RCOR3: variants seen among roughly 807,000 people sequenced by gnomAD.
The protein encoded by RCOR3 is REST corepressor 3.
In RCOR3, 13 loss-of-function variants were observed where a neutral mutation model predicts 64.1. The observed-to-expected ratio is 0.20, with a 90% CI of 0.13 to 0.32. The LOEUF (loss-of-function observed/expected upper bound fraction) is 0.32. RCOR3 is among the 10% of genes least tolerant of loss of function. The pLI is 1.00. For missense variants in RCOR3, 489 were observed against 701.2 expected, an observed-to-expected ratio of 0.70 and a Z score of 3.42; for synonymous variants, 215 against 239.0, an observed-to-expected ratio of 0.90 and a Z score of 0.93.
chr1:211,277,644 G>C (rs1425848778), intron 5 of RCOR3, among the ~76,000 whole-genome samples: 1 of 152,154 alleles, frequency 6.6e-6, no homozygotes, highest in African/African-American at 2.4e-5. Context: ...GTAGATTAGT[G>C]GTTGCCAGGG....
At chr1:211,283,705 T>C (rs1287999925) in intron 7 of RCOR3, among the ~76,000 whole-genome samples, 6 of 152,158 alleles carry the variant, frequency 3.9e-5, no homozygotes, top group Non-Finnish European at 7.4e-5. Context: ...TGTGCAGTTG[T>C]GTGATCATAG....
At chr1:211,291,267 CA>C (rs1018850630) in intron 8 of RCOR3, among the ~76,000 whole-genome samples, 31 of 152,064 alleles carry the variant, frequency 2.0e-4, no homozygotes, top group African/African-American at 7.5e-4. Flanking sequence ...TAGGGAAAAA[CA>C]GTACAGGTTG....
At chr1:211,262,031 A>G (rs1694390671) in intron 2 of RCOR3, among the ~76,000 whole-genome samples, 1 of 53,986 alleles carries the variant, frequency 1.9e-5, no homozygotes, top group Non-Finnish European at 3.7e-5. Context: ...TAGCTATAAA[A>G]ACTTTTTTTT....
chr1:211,259,911 A>G (rs1276905653), intron 1 of RCOR3, 185 bp downstream of exon 1: 8 of 832,066 alleles, frequency 9.6e-6, no homozygotes, highest in African/African-American at 2.2e-5. Context: ...CCCTCGACCA[A>G]TCCTCCGCCT....
At chr1:211,308,716 ATT>A (rs34691206) in intron 10 of RCOR3, among the ~76,000 whole-genome samples, 18 of 82,292 alleles carry the variant, frequency 2.2e-4, no homozygotes, top group African/African-American at 2.6e-4. Flanking sequence ...TCCAAAATCA[ATT>A]TTTTTTTTTT....
At position 211,314,008 on chromosome 1, in the gene RCOR3, G is replaced by A. The variant is rs1701736053; in HGVS notation, c.*240G>A. 1 of 438,780 alleles carries A rather than the reference G, an allele frequency of 2.3e-6. No individual in the cohort carries two copies. Among genetic ancestry groups the A allele is most frequent in the Admixed American group, 4.0e-5 (1 of 25,210 alleles). 27.2% of individuals were successfully genotyped at this position (438,780 alleles called of 1,614,324 possible). On this transcript the variant is annotated 3_prime_UTR_variant, in exon 12 of 12. Coordinates refer to ENST00000419091, the MANE Select transcript of RCOR3 (RefSeq NM_001136223.3). The stretch of plus-strand genomic sequence containing the variant: ...TCTAGAGTATATGTTCAGCAATGTT[G>A]ATCTCATAAAAGGAAAAACAAAAGA...
intron 8 of RCOR3, chr1:211,291,527 C>A (rs1165961662): frequency 2.2e-6 from 1 of 455,928 alleles, no homozygotes; most frequent in Admixed American, 2.4e-5. Flanking sequence ...TCCACAGTTT[C>A]AGGCATCCAC....
At chr1:211,305,246 A>G (rs574635318) in intron 10 of RCOR3, among the ~76,000 whole-genome samples, 7 of 152,326 alleles carry the variant, frequency 4.6e-5, no homozygotes, top group Non-Finnish European at 1.0e-4. Flanking sequence ...AGCATAGCAC[A>G]GTCATTTCAT....
At chr1:211,299,386 G>T (rs963203454) in intron 9 of RCOR3, among the ~76,000 whole-genome samples, 3 of 152,154 alleles carry the variant, frequency 2.0e-5, no homozygotes, top group African/African-American at 7.2e-5. Context: ...ATGGGTAGGT[G>T]GAGGAAAGAT....
chr1:211,269,994 A>G (rs564426113), intron 2 of RCOR3, among the ~76,000 whole-genome samples: 25 of 152,218 alleles, frequency 1.6e-4, no homozygotes, highest in African/African-American at 4.3e-4. Flanking sequence ...AGAAAATGTT[A>G]CTATTCTTCC....
intron 3 of RCOR3, chr1:211,271,773 A>G: frequency 3.7e-6 from 1 of 267,336 alleles, no homozygotes; most frequent in Non-Finnish European, 7.6e-6. Flanking sequence ...GACCTTCTGG[A>G]TCATTGACCA....
intron 10 of RCOR3, among the ~76,000 whole-genome samples, chr1:211,308,698 T>TTTTTTTTTTTTTTTTTTGTGTG (rs1701171863): frequency 2.4e-5 from 1 of 40,846 alleles, no homozygotes; most frequent in African/African-American, 6.9e-5. Context: ...TTTTTTTTTT[T>TTTTTTTTTTTTTTTTTTGTGTG]TGTGTAGTCC....
At chr1:211,288,040 G>A (rs1384738101) in intron 7 of RCOR3, among the ~76,000 whole-genome samples, 1 of 151,574 alleles carries the variant, frequency 6.6e-6, no homozygotes, top group East Asian at 1.9e-4. Context: ...TGAGACTCCC[G>A]TCTCTACAAA....
At chr1:211,292,184 T>C (rs1398729306) in intron 8 of RCOR3, among the ~76,000 whole-genome samples, 1 of 152,240 alleles carries the variant, frequency 6.6e-6, no homozygotes, top group African/African-American at 2.4e-5. Flanking sequence ...TGTCTTTCTT[T>C]TTGGAATTTC....
At chr1:211,273,546 G>A (rs536758157) in intron 3 of RCOR3, among the ~76,000 whole-genome samples, 1 of 152,338 alleles carries the variant, frequency 6.6e-6, no homozygotes, top group South Asian at 2.1e-4. Flanking sequence ...TGGTGAATGT[G>A]TCAGACTTCT....
intron 10 of RCOR3, among the ~76,000 whole-genome samples, chr1:211,311,269 A>G (rs1479026357): frequency 1.3e-5 from 2 of 152,162 alleles, no homozygotes; most frequent in African/African-American, 2.4e-5. Flanking sequence ...AACGATGTCT[A>G]TCATTGTTAC....
At chr1:211,291,804 T>C (rs1699273196) in intron 8 of RCOR3, among the ~76,000 whole-genome samples, 1 of 152,184 alleles carries the variant, frequency 6.6e-6, no homozygotes, top group South Asian at 2.1e-4. Flanking sequence ...GGTATTCCAG[T>C]TCTACTGAAA....
Position 211,274,279 on chromosome 1 carries a change from T to G in RCOR3, c.354+17T>G. ...GTGGAACAGGTATGTAGAGAAACAC[T>G]TCAGTAGTAAGGCTTGTCCCAATAT... On this transcript the variant is annotated intron_variant, in intron 4 of 11. Transcript: ENST00000419091. The G allele has an allele frequency of 6.4e-7, 1 of 1,557,724 alleles. No homozygotes were observed. The highest frequency in any genetic ancestry group is 2.3e-5 in the East Asian group (1 of 44,320).
At position 211,259,670 on chromosome 1, in the gene RCOR3, A is replaced by T. The variant is rs1306389233; in HGVS notation, c.110A>T (p.Asn37Ile). 6.5e-7 allele frequency: 1 copy of T among 1,545,880 alleles called. No individual in the cohort carries two copies. The highest frequency in any genetic ancestry group is 8.7e-7 in the Non-Finnish European group (1 of 1,144,950). The change falls in exon 1 of 12, where the codon AAC becomes ATC. Residue 37 changes from asparagine to isoleucine, a missense_variant. Around this residue, in one of 2 missense-constraint regions of RCOR3, gnomAD observed 87 missense variants for 84.3 expected, o/e 1.03. Coordinates refer to ENST00000419091, the MANE Select transcript of RCOR3 (RefSeq NM_001136223.3). Reference protein sequence around the residue: ...GGGGSGASSTNGGLHYSEPES... With the variant: ...GGGGSGASSTIGGLHYSEPES... ...GGCGGCAGCGGCGCCTCGTCCACCA[A>T]CGGCGGGCTGCACTACTCAGAGCCC... is the stretch of plus-strand genomic sequence containing the variant.
Sources: gnomAD v4.1 joint callset for allele counts (sites outside exome capture counted in the v4.1 genomes callset) on GRCh38, gnomAD v4.1.1 for gene constraint, gnomAD v4.1.1 regional missense constraint, MANE v1.5 for transcripts, NCBI Gene and HGNC (gene_info 2026-07-23, HGNC 2026-07-21) for gene names.